The following WDFY4 variants were observed in gnomAD, a reference collection of about 807,000 sequenced individuals.
WDFY4 encodes the protein WD repeat- and FYVE domain-containing protein 4.
WDFY4 carries 169 observed loss-of-function variants against 351.9 expected under a neutral mutation model. That is an observed-to-expected ratio of 0.48 (90% confidence interval 0.42 to 0.55). The LOEUF (loss-of-function observed/expected upper bound fraction) is 0.55, where lower values mean the gene tolerates loss of function less well. Ranked by LOEUF, WDFY4 falls within the 20% of genes least tolerant of loss-of-function variation. WDFY4 has a pLI of 0.00. For missense variants in WDFY4, 3,803 were observed against 3,935.6 expected (o/e 0.97, Z 0.90); for synonymous variants, 1,622 against 1,574.6 (o/e 1.03, Z -0.71).
Position 48,817,456 on chromosome 10 carries a change from A to G in WDFY4, c.5505+47A>G, listed in dbSNP as rs1233357542. The G allele has an allele frequency of 2.0e-6, 3 of 1,503,960 alleles. No homozygotes were observed. The African/African-American group carries it at 4.2e-5, about 21-fold the overall frequency. 93.2% of individuals were successfully genotyped at this position (1,503,960 alleles called of 1,614,324 possible). On this transcript the variant is annotated intron_variant, in intron 32 of 61. Transcript: ENST00000325239. ...CCCAGAGAGAGCAGTTGTGAGCATC[A>G]TCATCCTTCAAGGGCAAAGGGCAAA...
rs187017704 is a variant in WDFY4 at position 48,825,713 on chromosome 10, G to A, written c.5983-958G>A. Among the ~76,000 whole-genome samples the A allele has an allele frequency of 3.9e-3, 562 of 143,970 alleles. 4 individuals are homozygous for A. Among genetic ancestry groups the A allele is most frequent in the African/African-American group, 0.015 (536 of 35,660 alleles). The allele number at this position is 143,970 out of a possible 152,430, so 94.4% of individuals were successfully genotyped here. A position where few individuals can be genotyped will look rare whatever the true frequency, so the allele number is the denominator to read the frequency against. On this transcript the variant is annotated intron_variant, in intron 35 of 61. Coordinates refer to ENST00000325239, the MANE Select transcript of WDFY4 (RefSeq NM_001394531.1). ...GTATTTCTTGAATGATCAGTGATAT[G>A]GCACTTTTTTTTTCATATATTTGTT...
At chr10:48,732,760 C>T (rs2064509144) in intron 9 of WDFY4, among the ~76,000 whole-genome samples, 1 of 152,244 alleles carries the variant, frequency 6.6e-6, no homozygotes, top group Non-Finnish European at 1.5e-5. Context: ...GCTCAAGAAA[C>T]ATCAGTCGCC....
intron 2 of WDFY4, among the ~76,000 whole-genome samples, chr10:48,712,253 A>G (rs1054137427): frequency 6.6e-6 from 1 of 152,228 alleles, no homozygotes; most frequent in East Asian, 1.9e-4. Context: ...TAGCATTTCA[A>G]TGAGAAACCA....
chr10:48,924,799 A>G (rs1426385377), intron 47 of WDFY4, among the ~76,000 whole-genome samples: 1 of 152,266 alleles, frequency 6.6e-6, no homozygotes, highest in Non-Finnish European at 1.5e-5. Context: ...AAGCATTTCC[A>G]GTTGTAAGAC....
At chr10:48,843,562 GA>G (rs915973954) in intron 39 of WDFY4, among the ~76,000 whole-genome samples, 12 of 151,594 alleles carry the variant, frequency 7.9e-5, no homozygotes, top group African/African-American at 2.2e-4. Flanking sequence ...ATGGATTTCA[GA>G]AAAAAAATGT....
At chr10:48,905,702 C>A (rs375808775) in intron 47 of WDFY4, among the ~76,000 whole-genome samples, 1 of 152,160 alleles carries the variant, frequency 6.6e-6, no homozygotes, top group African/African-American at 2.4e-5. Context: ...GCGGACACCC[C>A]GCAGAGTGCT....
Position 48,890,618 on chromosome 10 carries a change from C to T in WDFY4, c.7207C>T (p.Leu2403=). The change falls in exon 44 of 62, where the codon CTG becomes TTG. Residue 2403 remains leucine (L), a synonymous_variant. Coordinates refer to ENST00000325239, the MANE Select transcript of WDFY4 (RefSeq NM_001394531.1). ...KFSLVIVQGH[L]VSEGVLLFGH... ...CTCCCTGGTGATTGTGCAGGGCCAC[C>T]TGGTGTCAGAAGGGGTCCTGCTTTT... The T allele has an allele frequency of 6.4e-7, 1 of 1,551,726 alleles. No individual in the cohort carries two copies. Among genetic ancestry groups the T allele is most frequent in the Non-Finnish European group, 8.7e-7 (1 of 1,146,980 alleles).
chr10:48,954,231 A>G (rs1564526066), intron 51 of WDFY4, among the ~76,000 whole-genome samples: 1 of 152,260 alleles, frequency 6.6e-6, no homozygotes, highest in Non-Finnish European at 1.5e-5. Context: ...ACAAAATCCA[A>G]CAACTGTAAC....
At chr10:48,929,269 G>A (rs1179129573) in intron 47 of WDFY4, among the ~76,000 whole-genome samples, 3 of 152,006 alleles carry the variant, frequency 2.0e-5, no homozygotes, top group Non-Finnish European at 4.4e-5. Flanking sequence ...AGGAAAGGAA[G>A]GGAGGGTGGG....
intron 47 of WDFY4, among the ~76,000 whole-genome samples, chr10:48,926,648 T>C (rs966087340): frequency 1.3e-5 from 2 of 152,246 alleles, no homozygotes; most frequent in African/African-American, 4.8e-5. Context: ...ATGTAGGATG[T>C]TCATTTTCAT....
At chr10:48,912,462 GC>G (rs1473715908) in intron 47 of WDFY4, among the ~76,000 whole-genome samples, 1 of 152,174 alleles carries the variant, frequency 6.6e-6, no homozygotes, top group Admixed American at 6.5e-5. Flanking sequence ...AGAATCTTTG[GC>G]TTTTCTCTTT....
chr10:48,970,340 T>A, intron 57 of WDFY4, 51 bp downstream of exon 57: 1 of 1,532,782 alleles, frequency 6.5e-7, no homozygotes, highest in Non-Finnish European at 8.8e-7. Flanking sequence ...CAGTACTTCA[T>A]GTAGGGACAA....
At chr10:48,788,122 G>A (rs561552233) in intron 20 of WDFY4, among the ~76,000 whole-genome samples, 5 of 151,524 alleles carry the variant, frequency 3.3e-5, no homozygotes, top group South Asian at 4.2e-4. Context: ...CTGCCTCCCC[G>A]GTTCAAGCCA....
chr10:48,822,511 C>T lies in WDFY4; in HGVS notation c.5956C>T (p.Leu1986Phe). ...CTCGGCAGACCCCAGGCATATCCTCCTCTTCATCCTGGAGCACATCATGGT... is the reference window on the plus strand; with the variant it reads ...CTCGGCAGACCCCAGGCATATCCTCTTCTTCATCCTGGAGCACATCATGGT... ...MFSADPRHIL[L>F]FILEHIMVVI... Residue 1986 changes from leucine (L) to phenylalanine (F), a missense_variant, in exon 35 of 62, where the codon CTC (leucine) becomes TTC (phenylalanine). Leu to Phe is a conservative substitution (Grantham distance 22). This residue lies in a region of WDFY4 where 3,054 missense variants were observed against 3,148.6 expected (regional missense o/e 0.97). Transcript: ENST00000325239. 6.5e-7 allele frequency: 1 copy of T among 1,547,536 alleles called. No homozygotes were observed. Among genetic ancestry groups the T allele is most frequent in the Non-Finnish European group, 8.7e-7 (1 of 1,144,508 alleles).
intron 50 of WDFY4, 80 bp from the exon 51 acceptor site, chr10:48,946,780 T>C: frequency 2.9e-6 from 3 of 1,048,128 alleles, no homozygotes; most frequent in Non-Finnish European, 4.3e-6. Flanking sequence ...ATGCCGTTCA[T>C]GAACACAGTG....
At chr10:48,832,515 A>G in intron 38 of WDFY4, 58 bp from the exon 39 acceptor site, 2 of 1,460,626 alleles carry the variant, frequency 1.4e-6, no homozygotes, top group Non-Finnish European at 1.8e-6. Flanking sequence ...CAAGCTAGCT[A>G]TAAAAATAGT....
intron 46 of WDFY4, among the ~76,000 whole-genome samples, chr10:48,901,034 G>A (rs1837325366): frequency 6.6e-6 from 1 of 152,176 alleles, no homozygotes; most frequent in African/African-American, 2.4e-5. Flanking sequence ...TGGCCAAGGA[G>A]CCCATTTTGT....
intron 48 of WDFY4, among the ~76,000 whole-genome samples, chr10:48,942,900 C>A (rs941524811): frequency 6.6e-6 from 1 of 152,212 alleles, no homozygotes; most frequent in East Asian, 1.9e-4. Flanking sequence ...CCAGAGGAAG[C>A]CAGACCATCA....
chr10:48,943,965 G>T (rs1008615082), intron 49 of WDFY4, among the ~76,000 whole-genome samples: 1 of 152,164 alleles, frequency 6.6e-6, no homozygotes, highest in East Asian at 1.9e-4. Context: ...TCCCCCTGTG[G>T]AATGATCAAC....
Sources: allele counts gnomAD v4.1 joint callset (sites outside exome capture counted in the v4.1 genomes callset), GRCh38; gene constraint gnomAD v4.1.1; regional missense constraint gnomAD v4.1.1; transcripts MANE v1.5; gene names NCBI Gene and HGNC (gene_info 2026-07-23, HGNC 2026-07-21).